KIAA1328: variants seen among roughly 807,000 people sequenced by gnomAD.
KIAA1328 encodes KIAA1328.
KIAA1328 carries 52 observed loss-of-function variants against 68.1 expected under a neutral mutation model. The ratio of observed to expected loss-of-function variants is 0.76; its 90% confidence interval spans 0.61 to 0.96. The LOEUF (loss-of-function observed/expected upper bound fraction) is 0.96. Among genes scored for constraint, KIAA1328 ranks in the 40% least tolerant of loss-of-function variants. The pLI is 0.00. For missense variants in KIAA1328, 641 were observed against 677.6 expected, an observed-to-expected ratio of 0.95 and a Z score of 0.60; for synonymous variants, 232 against 239.4, an observed-to-expected ratio of 0.97 and a Z score of 0.28.
At chr18:37,172,721 A>C (rs1262366062) in intron 8 of KIAA1328, among the ~76,000 whole-genome samples, 2 of 152,166 alleles carry the variant, frequency 1.3e-5, no homozygotes, top group Non-Finnish European at 2.9e-5. Context: ...TTTGCTAGGC[A>C]ATCAGGTTTA....
intron 6 of KIAA1328, among the ~76,000 whole-genome samples, chr18:36,982,155 AATATAT>A (rs138352182): frequency 7.1e-6 from 1 of 141,288 alleles, no homozygotes. Flanking sequence ...AAATATATAT[AATATAT>A]ATATATAATA....
At chr18:36,968,463 G>T (rs979867128) in intron 6 of KIAA1328, among the ~76,000 whole-genome samples, 11 of 152,110 alleles carry the variant, frequency 7.2e-5, no homozygotes, top group Non-Finnish European at 1.5e-4. Flanking sequence ...AGTAAGGGTT[G>T]CAATTCTAAT....
chr18:36,946,214 T>A (rs1477383999), intron 5 of KIAA1328: 1 of 152,234 alleles, frequency 6.6e-6, no homozygotes, highest in Non-Finnish European at 1.5e-5. Flanking sequence ...TCTCTTATTT[T>A]ACTTTCTATA....
chr18:37,036,394 GAT>G (rs1224949011), intron 6 of KIAA1328, among the ~76,000 whole-genome samples: 1 of 152,202 alleles, frequency 6.6e-6, no homozygotes, highest in East Asian at 1.9e-4. Flanking sequence ...TACTAAGCCT[GAT>G]ATAGACCCTG....
intron 8 of KIAA1328, among the ~76,000 whole-genome samples, chr18:37,169,971 A>G (rs1006294932): frequency 2.6e-5 from 4 of 152,218 alleles, no homozygotes; most frequent in Non-Finnish European, 4.4e-5. Context: ...AAATATATTT[A>G]TATTCTGTCA....
chr18:37,104,796 C>T, intron 7 of KIAA1328, among the ~76,000 whole-genome samples: 1 of 152,006 alleles, frequency 6.6e-6, no homozygotes, highest in East Asian at 1.9e-4. Context: ...AATGAAAGAA[C>T]ATTTCTCAAT....
intron 4 of KIAA1328, among the ~76,000 whole-genome samples, chr18:36,862,802 T>G (rs895887705): frequency 3.3e-5 from 5 of 152,210 alleles, no homozygotes; most frequent in Admixed American, 3.3e-4. Context: ...GTAAGAGGTC[T>G]TCTTGCATTC....
At chr18:37,191,151 G>A (rs1029904262) in intron 9 of KIAA1328, among the ~76,000 whole-genome samples, 2 of 152,052 alleles carry the variant, frequency 1.3e-5, no homozygotes, top group East Asian at 3.8e-4. Flanking sequence ...CCCTGTCTGC[G>A]GAATCATTCT....
At chr18:37,049,098 T>G (rs974868345) in intron 6 of KIAA1328, among the ~76,000 whole-genome samples, 2 of 152,174 alleles carry the variant, frequency 1.3e-5, no homozygotes, top group Non-Finnish European at 2.9e-5. Context: ...ACGCAATGAA[T>G]AAAACATACA....
chr18:36,916,205 A>AC (rs2049692414), intron 5 of KIAA1328, among the ~76,000 whole-genome samples: 1 of 91,812 alleles, frequency 1.1e-5, no homozygotes, highest in African/African-American at 2.9e-5. Context: ...TGGGATTCCA[A>AC]TTTATATATA....
chr18:37,089,863 TCAAA>T (rs1321643100), intron 7 of KIAA1328, among the ~76,000 whole-genome samples: 2 of 152,180 alleles, frequency 1.3e-5, no homozygotes, highest in African/African-American at 2.4e-5. Context: ...TAAATTAGCA[TCAAA>T]CAAACTAACT....
chr18:37,026,003 GA>G (rs1278573129), intron 6 of KIAA1328, among the ~76,000 whole-genome samples: 1 of 151,282 alleles, frequency 6.6e-6, no homozygotes, highest in Non-Finnish European at 1.5e-5. Context: ...GAAAAGAGAA[GA>G]ATCCAATAGA....
intron 7 of KIAA1328, among the ~76,000 whole-genome samples, chr18:37,079,759 C>T (rs2056882987): frequency 6.6e-6 from 1 of 151,590 alleles, no homozygotes; most frequent in Non-Finnish European, 1.5e-5. Context: ...TGGTGGTGGG[C>T]GCCTGTAATC....
intron 4 of KIAA1328, among the ~76,000 whole-genome samples, chr18:36,868,163 G>T (rs887107411): frequency 6.6e-6 from 1 of 152,174 alleles, no homozygotes; most frequent in African/African-American, 2.4e-5. Flanking sequence ...GCCACAAAGA[G>T]AAATTAGGGG....
intron 7 of KIAA1328, among the ~76,000 whole-genome samples, chr18:37,143,521 CTTTTTTTTTTTT>C (rs57046567): frequency 2.2e-5 from 2 of 90,778 alleles, no homozygotes; most frequent in East Asian, 7.5e-4. Context: ...TTTTTTCTTT[CTTTTTTTTTTTT>C]TTTTTTTTTT....
rs908999170 is a variant in KIAA1328 at position 36,877,663 on chromosome 18, CTT to C, written c.333-7874_333-7873del. Among the ~76,000 whole-genome samples the C allele has an allele frequency of 1.1e-3, 124 of 116,000 alleles. 1 individual carries two copies. The highest frequency in any genetic ancestry group is 3.7e-3 in the African/African-American group (115 of 31,008). The allele number at this position is 116,000 out of a possible 152,430, so 76.1% of individuals were successfully genotyped here. On this transcript the variant is annotated intron_variant, in intron 4 of 9. Transcript: ENST00000280020. ...CTTTATCCAATTTGCCAGTCTGTGTCTTTTTTTTTTTTTTTTTTTTTGAGATG... is the reference window on the plus strand; with the variant it reads ...CTTTATCCAATTTGCCAGTCTGTGTCTTTTTTTTTTTTTTTTTTTGAGATG...
In KIAA1328 at chr18:36,998,643, G is replaced by T. The variant is rs955258511; in HGVS notation, c.576+39208G>T. ...CAGCTTCCATAATAACCACCCCCTA[G>T]CCCCTAAGGAAATCAGATACCACTA... is the stretch of plus-strand genomic sequence containing the variant. On this transcript the variant is annotated intron_variant, in intron 6 of 9. Transcript: ENST00000280020. Among the ~76,000 whole-genome samples the T allele has an allele frequency of 3.3e-5, 5 of 152,042 alleles. No homozygotes were observed. In the East Asian group the frequency reaches 9.7e-4, roughly 29 times the overall value.
At chr18:37,035,467 T>C (rs1420207383) in intron 6 of KIAA1328, among the ~76,000 whole-genome samples, 1 of 152,196 alleles carries the variant, frequency 6.6e-6, no homozygotes, top group Admixed American at 6.5e-5. Flanking sequence ...TCATCTGTTA[T>C]TCAAATTGCT....
chr18:36,909,101 A>G (rs1322797585), intron 5 of KIAA1328, among the ~76,000 whole-genome samples: 1 of 152,148 alleles, frequency 6.6e-6, no homozygotes, highest in Non-Finnish European at 1.5e-5. Flanking sequence ...TACTCTGACC[A>G]AATAGAATAA....
Sources: gnomAD v4.1 joint callset for allele counts (sites outside exome capture counted in the v4.1 genomes callset) on GRCh38, gnomAD v4.1.1 for gene constraint, MANE v1.5 for transcripts, NCBI Gene and HGNC (gene_info 2026-07-23, HGNC 2026-07-21) for gene names.